The following DCT variants were observed in gnomAD, a reference collection of about 807,000 sequenced individuals.
DCT encodes dopachrome tautomerase, also known as L-dopachrome tautomerase.
DCT carries 47 observed loss-of-function variants against 53.0 expected under a neutral mutation model. The observed-to-expected ratio is 0.89, with a 90% CI of 0.70 to 1.13. The LOEUF is 1.13. DCT is among the 50% of genes most tolerant of loss of function. DCT has a pLI of 0.00. For synonymous variants in DCT, 244 were observed against 237.0 expected, an observed-to-expected ratio of 1.03 and a Z score of -0.27; for missense variants, 669 against 637.4, an observed-to-expected ratio of 1.05 and a Z score of -0.53.
the DCT span, among the ~76,000 whole-genome samples, chr13:94,542,117 T>C: frequency 6.6e-6 from 1 of 152,320 alleles, no homozygotes. Context: ...GGGCACATCA[T>C]TTAAAAGTCT....
the DCT span, among the ~76,000 whole-genome samples, chr13:94,496,578 G>A: frequency 0.59 from 89,550 of 152,020 alleles, 26,575 homozygotes; most frequent in Middle Eastern, 0.68. Flanking sequence ...TTGATCTTCA[G>A]GTATGGGCTG....
At chr13:94,534,011 T>C in the DCT span, among the ~76,000 whole-genome samples, 2 of 152,126 alleles carry the variant, frequency 1.3e-5, no homozygotes, top group Non-Finnish European at 2.9e-5. Flanking sequence ...TTCTTACACT[T>C]ACTACACCTG....
chr13:94,507,751 C>T, the DCT span, among the ~76,000 whole-genome samples: 14,201 of 152,098 alleles, frequency 0.093, 1,544 homozygotes, highest in African/African-American at 0.26. Flanking sequence ...CCACCTGCCT[C>T]GGCCTCCCAA....
At chr13:94,532,290 A>G in the DCT span, among the ~76,000 whole-genome samples, 1 of 152,244 alleles carries the variant, frequency 6.6e-6, no homozygotes, top group Admixed American at 6.5e-5. Context: ...TACTGGGTAT[A>G]TACCCAGAGG....
chr13:94,497,282 G>A, the DCT span, among the ~76,000 whole-genome samples: 1 of 152,120 alleles, frequency 6.6e-6, no homozygotes, highest in South Asian at 2.1e-4. Context: ...CCTTCCCTGA[G>A]TCTCCAGCCT....
chr13:94,437,434 C>G lies in DCT; in HGVS notation c.*2464G>C, dbSNP rs1257760246. On this transcript the variant is annotated 3_prime_UTR_variant, in exon 8 of 8. Coordinates refer to ENST00000377028, the MANE Select transcript of DCT (RefSeq NM_001922.5). ...TAAATCCTAAGCAAGATACAAATGT[C>G]AATTTTAGAATTAGAAGGGAATTTA... The G allele has an allele frequency of 1.3e-5, 2 of 152,036 alleles. No homozygotes were observed. The highest frequency in any genetic ancestry group is 4.8e-5 in the African/African-American group (2 of 41,384). The allele number at this position is 152,036 out of a possible 1,614,324, so 9.4% of individuals were successfully genotyped here.
In DCT at chr13:94,443,621, G is replaced by T. The variant is rs762463292; in HGVS notation, c.1196C>A (p.Thr399Asn). 9 of 1,613,632 alleles carry T rather than the reference G, an allele frequency of 5.6e-6. No homozygotes were observed. The highest frequency in any genetic ancestry group is 7.6e-6 in the Non-Finnish European group (9 of 1,179,848). Residue 399 changes from threonine to asparagine, a missense_variant, in exon 7 of 8, where the codon ACT (threonine) becomes AAT (asparagine). Coordinates refer to ENST00000377028, the MANE Select transcript of DCT (RefSeq NM_001922.5). ...CATCCACTCATCAAAGATGGCATCA[G>T]TAAAGGAATGAAGAACCTGCAAAAC... is the stretch of plus-strand genomic sequence containing the variant. ...DPIFVVLHSF[T>N]DAIFDEWMKR...
the DCT span, among the ~76,000 whole-genome samples, chr13:94,506,214 G>A: frequency 2.0e-5 from 3 of 152,046 alleles, no homozygotes; most frequent in South Asian, 2.1e-4. Context: ...TTACTTAATC[G>A]CTTAAAACTC....
At chr13:94,451,036 C>A (rs1883046082) in intron 6 of DCT, among the ~76,000 whole-genome samples, 1 of 151,984 alleles carries the variant, frequency 6.6e-6, no homozygotes, top group Admixed American at 6.6e-5. Flanking sequence ...CATTTAGCAC[C>A]TGTGAAATTA....
the DCT span, among the ~76,000 whole-genome samples, chr13:94,523,773 A>G: frequency 0.015 from 2,343 of 152,160 alleles, 73 homozygotes; most frequent in African/African-American, 0.054. Flanking sequence ...ACACCCCCAC[A>G]TAAGCCCCCA....
the DCT span, among the ~76,000 whole-genome samples, chr13:94,508,799 G>A: frequency 6.6e-6 from 1 of 152,212 alleles, no homozygotes; most frequent in African/African-American, 2.4e-5. Flanking sequence ...CCAATTACAG[G>A]AGATGCTGCC....
At chr13:94,445,911 C>T in intron 6 of DCT, 1 of 616,902 alleles carries the variant, frequency 1.6e-6, no homozygotes, top group Non-Finnish European at 2.9e-6. Flanking sequence ...ATGGGAAGAG[C>T]CCCATTCTTC....
the DCT span, among the ~76,000 whole-genome samples, chr13:94,500,348 G>C: frequency 1.3e-5 from 2 of 152,180 alleles, no homozygotes; most frequent in Non-Finnish European, 2.9e-5. Context: ...CAACAACAGG[G>C]GGAGCCCCTT....
upstream of DCT, among the ~76,000 whole-genome samples, chr13:94,481,580 G>A (rs1178667529): frequency 6.6e-6 from 1 of 152,128 alleles, no homozygotes; most frequent in Non-Finnish European, 1.5e-5. Context: ...AATGCCCCAG[G>A]TCGAAGTCCT....
At chr13:94,444,427 A>C (rs1882584093) in intron 6 of DCT, 1 of 516,690 alleles carries the variant, frequency 1.9e-6, no homozygotes, top group South Asian at 1.4e-5. Flanking sequence ...TTATGCCAGC[A>C]AAAGAAAGTC....
chr13:94,461,800 AG>A (rs1473283430), intron 5 of DCT, among the ~76,000 whole-genome samples: 13 of 152,218 alleles, frequency 8.5e-5, no homozygotes, highest in Non-Finnish European at 1.2e-4. Flanking sequence ...CAGCTAAGTT[AG>A]AAGGTATTAA....
the DCT span, among the ~76,000 whole-genome samples, chr13:94,543,976 A>T: frequency 1.3e-5 from 2 of 151,592 alleles, no homozygotes; most frequent in African/African-American, 4.9e-5. Context: ...CAGAGGTTGC[A>T]GTGAGCCGAG....
At chr13:94,529,354 A>G in the DCT span, among the ~76,000 whole-genome samples, 1 of 152,220 alleles carries the variant, frequency 6.6e-6, no homozygotes, top group African/African-American at 2.4e-5. Flanking sequence ...TCAGTACCAC[A>G]TCGCACTTAT....
the DCT span, among the ~76,000 whole-genome samples, chr13:94,508,560 A>T: frequency 2.0e-5 from 3 of 152,232 alleles, no homozygotes; most frequent in Non-Finnish European, 4.4e-5. Flanking sequence ...TTGTCATAAA[A>T]ATGAAACTTT....
Sources: allele counts gnomAD v4.1 joint callset (sites outside exome capture counted in the v4.1 genomes callset), GRCh38; gene constraint gnomAD v4.1.1; transcripts MANE v1.5; gene names NCBI Gene and HGNC (gene_info 2026-07-23, HGNC 2026-07-21).